C6orf52: variants seen among roughly 807,000 people sequenced by gnomAD.
The protein encoded by C6orf52 is chromosome 6 open reading frame 52.
Under a neutral mutation model 16.6 loss-of-function variants are expected in C6orf52, and 16 were observed. That is an observed-to-expected ratio of 0.96 (90% CI 0.65 to 1.46). The LOEUF (loss-of-function observed/expected upper bound fraction) is 1.46. Ranked by LOEUF, C6orf52 falls within the 40% of genes most tolerant of loss-of-function variation. The pLI is 0.00. For missense variants in C6orf52, 166 were observed against 182.3 expected, an observed-to-expected ratio of 0.91 and a Z score of 0.52; for synonymous variants, 53 against 61.4, an observed-to-expected ratio of 0.86 and a Z score of 0.64.
rs185019920 is a variant in C6orf52 at position 10,678,605 on chromosome 6, A to G, written c.316+4582T>C. Among the ~76,000 whole-genome samples, 8 of 152,330 alleles carry G rather than the reference A, an allele frequency of 5.3e-5. No individual in the cohort carries two copies. In the East Asian group the frequency reaches 1.5e-3, roughly 29 times the overall value. On this transcript the variant is annotated intron_variant, in intron 4 of 4. Coordinates refer to ENST00000259983, the MANE Select transcript of C6orf52 (RefSeq NM_001145020.3). ...CCACTGCAATAAAATGAATATTGCA[A>G]TGAAGCAAGTCACATGAATTTTTTG...
chr6:10,694,606 GGC>G lies in C6orf52; in HGVS notation c.-126_-125del. Reference sequence around the variant, plus strand: ...CCGGCGCTACAGCCCCTAAGCAACCGGCCGGAAGTCGGCCCCACCTCCTCCTG... The same window carrying G: ...CCGGCGCTACAGCCCCTAAGCAACCGCGGAAGTCGGCCCCACCTCCTCCTG... On this transcript the variant is annotated 5_prime_UTR_variant, in exon 1 of 5. Coordinates refer to ENST00000259983, the MANE Select transcript of C6orf52 (RefSeq NM_001145020.3). 1 of 169,836 alleles carries G rather than the reference GGC, an allele frequency of 5.9e-6. No individual in the cohort carries two copies. The highest frequency in any genetic ancestry group is 1.3e-4 in the South Asian group (1 of 7,424). 10.5% of individuals were successfully genotyped at this position (169,836 alleles called of 1,614,324 possible). A position where few individuals can be genotyped will look rare whatever the true frequency, so the allele number is the denominator to read the frequency against.
intron 3 of C6orf52, among the ~76,000 whole-genome samples, chr6:10,685,595 A>G (rs937347832): frequency 3.3e-5 from 5 of 152,238 alleles, no homozygotes; most frequent in Admixed American, 6.5e-5. Context: ...GGGTGGGGGA[A>G]GTCCGTAACA....
intron 4 of C6orf52, 73 bp from the exon 5 acceptor site, chr6:10,671,671 G>A: frequency 9.5e-7 from 1 of 1,053,512 alleles, no homozygotes. Flanking sequence ...TTTAAAATTA[G>A]AAAGCTTTTA....
rs752021847 is a variant in C6orf52 at position 10,687,211 on chromosome 6, C to T, written c.72-47G>A. Reference sequence around the variant, plus strand: ...CAACCAACGCAGAATCATCCACAAACCCCCAAACCCTTTCTTCTTTCCAGG... The same window carrying T: ...CAACCAACGCAGAATCATCCACAAATCCCCAAACCCTTTCTTCTTTCCAGG... On this transcript the variant is annotated intron_variant, in intron 2 of 4. Transcript: ENST00000259983. The T allele has an allele frequency of 1.2e-5, 16 of 1,340,378 alleles. No individual in the cohort carries two copies. In the East Asian group the frequency reaches 3.3e-4, roughly 27 times the overall value. 83.0% of individuals were successfully genotyped at this position (1,340,378 alleles called of 1,614,324 possible). A position where few individuals can be genotyped will look rare whatever the true frequency, so the allele number is the denominator to read the frequency against.
chr6:10,672,641 A>G (rs1460816943), intron 4 of C6orf52: 2 of 679,940 alleles, frequency 2.9e-6, no homozygotes. Flanking sequence ...ACGTCACTAC[A>G]AAATATAAAA....
chr6:10,678,529 A>G (rs1317136214), intron 4 of C6orf52, among the ~76,000 whole-genome samples: 1 of 152,230 alleles, frequency 6.6e-6, no homozygotes, highest in Non-Finnish European at 1.5e-5. Context: ...CAGAGTCTGT[A>G]GGGTTTTCTC....
chr6:10,675,174 C>T (rs2127460293), intron 4 of C6orf52, among the ~76,000 whole-genome samples: 1 of 152,264 alleles, frequency 6.6e-6, no homozygotes, highest in African/African-American at 2.4e-5. Context: ...ACCAACATCT[C>T]CCTACCACTC....
intron 4 of C6orf52, among the ~76,000 whole-genome samples, chr6:10,678,609 A>G (rs561500345): frequency 2.0e-5 from 3 of 152,186 alleles, no homozygotes; most frequent in Admixed American, 6.5e-5. Flanking sequence ...ATTGCAATGA[A>G]GCAAGTCACA....
At chr6:10,677,612 A>C (rs1768010237) in intron 4 of C6orf52, among the ~76,000 whole-genome samples, 1 of 151,190 alleles carries the variant, frequency 6.6e-6, no homozygotes, top group African/African-American at 2.4e-5. Flanking sequence ...GCTCACTCTA[A>C]CCTCCGCCTC....
chr6:10,693,004 T>C (rs1258434646), intron 1 of C6orf52, among the ~76,000 whole-genome samples: 1 of 152,232 alleles, frequency 6.6e-6, no homozygotes, highest in East Asian at 1.9e-4. Context: ...GAATAAATCA[T>C]AAATGTTAGA....
intron 1 of C6orf52, among the ~76,000 whole-genome samples, chr6:10,690,115 G>C (rs1308345974): frequency 6.6e-6 from 1 of 152,186 alleles, no homozygotes; most frequent in Non-Finnish European, 1.5e-5. Flanking sequence ...GAGGAAGAGA[G>C]AGGTCAATGT....
At chr6:10,676,481 T>C (rs1195121239) in intron 4 of C6orf52, among the ~76,000 whole-genome samples, 1 of 152,158 alleles carries the variant, frequency 6.6e-6, no homozygotes, top group Non-Finnish European at 1.5e-5. Context: ...ATGCCAGCAG[T>C]TGTGCCAATA....
At chr6:10,671,743 C>T in intron 4 of C6orf52, 145 bp from the exon 5 acceptor site, 1 of 508,766 alleles carries the variant, frequency 2.0e-6, no homozygotes, top group Non-Finnish European at 3.4e-6. Flanking sequence ...TGCATATTTC[C>T]TTTCAATAAG....
chr6:10,678,576 C>T (rs1303583542), intron 4 of C6orf52, among the ~76,000 whole-genome samples: 1 of 152,168 alleles, frequency 6.6e-6, no homozygotes, highest in African/African-American at 2.4e-5. Flanking sequence ...GGTTTAGTTC[C>T]TAACCACTGC....
At chr6:10,683,931 C>T (rs900350591) in intron 3 of C6orf52, among the ~76,000 whole-genome samples, 7 of 152,154 alleles carry the variant, frequency 4.6e-5, no homozygotes, top group Admixed American at 4.6e-4. Flanking sequence ...TCCAAGGAAT[C>T]ACTATCAAGA....
Position 10,673,090 on chromosome 6 carries a change from G to A in C6orf52, c.317-1492C>T, listed in dbSNP as rs185535641. Among the ~76,000 whole-genome samples the A allele has an allele frequency of 6.6e-5, 10 of 152,324 alleles. No individual in the cohort carries two copies. The East Asian group carries it at 1.3e-3, about 21-fold the overall frequency. On this transcript the variant is annotated intron_variant, in intron 4 of 4. Transcript: ENST00000259983. ...TTGAGCGTTTCTGGTCATAAAAGTA[G>A]ATGTTTCCCTTTTTTCCCACTAAAC...
chr6:10,691,757 A>G (rs1255728119), intron 1 of C6orf52, among the ~76,000 whole-genome samples: 1 of 152,130 alleles, frequency 6.6e-6, no homozygotes, highest in Non-Finnish European at 1.5e-5. Flanking sequence ...GAACCCCCAG[A>G]TTAGTAACAC....
At chr6:10,680,301 G>C (rs773373293) in intron 4 of C6orf52, among the ~76,000 whole-genome samples, 2 of 151,516 alleles carry the variant, frequency 1.3e-5, no homozygotes, top group Non-Finnish European at 2.9e-5. Context: ...CTGTTGATGG[G>C]ATAATGGGAT....
At chr6:10,682,175 G>A (rs572680089) in intron 4 of C6orf52, among the ~76,000 whole-genome samples, 65 of 152,248 alleles carry the variant, frequency 4.3e-4, no homozygotes, top group African/African-American at 1.4e-3. Context: ...GTATCCACAT[G>A]CCTAATTTTT....
Sources: allele counts gnomAD v4.1 joint callset (sites outside exome capture counted in the v4.1 genomes callset), GRCh38; gene constraint gnomAD v4.1.1; transcripts MANE v1.5; gene names NCBI Gene and HGNC (gene_info 2026-07-23, HGNC 2026-07-21).